The following NAALADL2 variants were observed in gnomAD, a reference collection of about 807,000 sequenced individuals.
NAALADL2 encodes the protein N-acetylated alpha-linked acidic dipeptidase like 2, also known as inactive N-acetylated-alpha-linked acidic dipeptidase-like protein 2.
In NAALADL2, 76 loss-of-function variants were observed where a neutral mutation model predicts 87.2. That is an observed-to-expected ratio of 0.87 (90% CI 0.72 to 1.05). The LOEUF (loss-of-function observed/expected upper bound fraction) is 1.05. Ranked by LOEUF, NAALADL2 falls within the 50% of genes least tolerant of loss-of-function variation. The pLI, the probability that NAALADL2 is intolerant of heterozygous loss-of-function variation, is 0.00. For synonymous variants in NAALADL2, 354 were observed against 331.0 expected (o/e 1.07, Z -0.75); for missense variants, 1,089 against 945.8 (o/e 1.15, Z -1.99).
intron 3 of NAALADL2, among the ~76,000 whole-genome samples, chr3:174,768,316 G>C (rs1204476632): frequency 6.6e-6 from 1 of 152,058 alleles, no homozygotes; most frequent in Non-Finnish European, 1.5e-5. Flanking sequence ...TAGCTGGGAG[G>C]CAGTACAACT....
At chr3:175,413,298 G>A (rs112143037) in intron 5 of NAALADL2, among the ~76,000 whole-genome samples, 5,585 of 150,800 alleles carry the variant, frequency 0.037, 315 homozygotes, top group African/African-American at 0.13. Context: ...TAGGCCGAGC[G>A]CGGTGGCTCA....
At chr3:175,638,097 T>C (rs912166855) in intron 11 of NAALADL2, among the ~76,000 whole-genome samples, 1 of 152,212 alleles carries the variant, frequency 6.6e-6, no homozygotes, top group Non-Finnish European at 1.5e-5. Flanking sequence ...AATAGATGAA[T>C]GAACAAAGCA....
chr3:175,004,376 CAAAAAAAAAAAAAAA>C (rs538715061), intron 1 of NAALADL2, among the ~76,000 whole-genome samples: 8 of 33,852 alleles, frequency 2.4e-4, no homozygotes, highest in South Asian at 1.7e-3. Context: ...GAGACTATTT[CAAAAAAAAAAAAAAA>C]AAAAAAAAAA....
chr3:175,309,079 T>C (rs907451728), intron 4 of NAALADL2, among the ~76,000 whole-genome samples: 3 of 152,184 alleles, frequency 2.0e-5, no homozygotes, highest in Non-Finnish European at 2.9e-5. Context: ...GGTTGAGAAA[T>C]TACATCTCTG....
chr3:175,348,225 A>G (rs1170388699), intron 5 of NAALADL2, among the ~76,000 whole-genome samples: 1 of 151,882 alleles, frequency 6.6e-6, no homozygotes, highest in Non-Finnish European at 1.5e-5. Context: ...CTAATTTTGT[A>G]TTTTTAGTAG....
At chr3:174,790,460 G>A (rs942955439) in intron 3 of NAALADL2, among the ~76,000 whole-genome samples, 1 of 151,934 alleles carries the variant, frequency 6.6e-6, no homozygotes, top group African/African-American at 2.4e-5. Context: ...GACCAGCCTG[G>A]CCAACATGGT....
At chr3:174,785,843 T>A (rs1240930559) in intron 3 of NAALADL2, among the ~76,000 whole-genome samples, 1 of 152,202 alleles carries the variant, frequency 6.6e-6, no homozygotes, top group African/African-American at 2.4e-5. Flanking sequence ...CTCCAAAACT[T>A]GTCAGAGTAC....
chr3:175,624,109 T>C (rs573534332), intron 10 of NAALADL2, among the ~76,000 whole-genome samples: 2 of 152,126 alleles, frequency 1.3e-5, no homozygotes, highest in South Asian at 4.1e-4. Context: ...CTCAAGAAAG[T>C]TGAAGGGAGA....
intron 11 of NAALADL2, among the ~76,000 whole-genome samples, chr3:175,649,644 CAGAG>C (rs1196721599): frequency 1.3e-5 from 2 of 152,048 alleles, no homozygotes; most frequent in Admixed American, 6.6e-5. Flanking sequence ...TGGATAGAGA[CAGAG>C]AGAGAGTCCA....
chr3:174,603,805 T>A (rs1015344114), intron 2 of NAALADL2, among the ~76,000 whole-genome samples: 13 of 152,192 alleles, frequency 8.5e-5, no homozygotes, highest in East Asian at 5.8e-4. Flanking sequence ...AAGAATTTTT[T>A]AAAAATTTTT....
chr3:174,879,280 G>C (rs1178015655), intron 1 of NAALADL2, among the ~76,000 whole-genome samples: 1 of 152,090 alleles, frequency 6.6e-6, no homozygotes, highest in Non-Finnish European at 1.5e-5. Context: ...AGATGAAGAA[G>C]AAGCCTAATT....
At chr3:174,751,599 G>A (rs1180171872) in intron 3 of NAALADL2, among the ~76,000 whole-genome samples, 1 of 149,724 alleles carries the variant, frequency 6.7e-6, no homozygotes, top group African/African-American at 2.5e-5. Flanking sequence ...GGAGACTGAG[G>A]TTGCAGTGAG....
At chr3:174,776,558 A>G (rs1288955619) in intron 3 of NAALADL2, among the ~76,000 whole-genome samples, 1 of 152,098 alleles carries the variant, frequency 6.6e-6, no homozygotes, top group Non-Finnish European at 1.5e-5. Context: ...TAGGAAACTA[A>G]TCTGTACTCC....
intron 7 of NAALADL2, among the ~76,000 whole-genome samples, chr3:175,466,268 A>G (rs1724004242): frequency 6.6e-6 from 1 of 152,234 alleles, no homozygotes; most frequent in African/African-American, 2.4e-5. Flanking sequence ...CTGACAAGAA[A>G]ATCAGAGGAA....
chr3:174,838,029 A>G (rs1052938717), intron 3 of NAALADL2, among the ~76,000 whole-genome samples: 1 of 136,162 alleles, frequency 7.3e-6, no homozygotes, highest in Non-Finnish European at 1.6e-5. Flanking sequence ...AAGAAAAAAA[A>G]AAAAAAAGAA....
At chr3:174,968,925 C>T (rs542682965) in intron 1 of NAALADL2, among the ~76,000 whole-genome samples, 74 of 152,254 alleles carry the variant, frequency 4.9e-4, no homozygotes, top group Non-Finnish European at 8.7e-4. Context: ...TCTTTGAGGG[C>T]CTGCTAATGT....
At chr3:174,881,216 A>G (rs746548727) in intron 1 of NAALADL2, among the ~76,000 whole-genome samples, 1 of 152,092 alleles carries the variant, frequency 6.6e-6, no homozygotes, top group African/African-American at 2.4e-5. Context: ...AGCATGGAAC[A>G]TATGATATTT....
At chr3:175,596,695 C>T (rs1216776513) in intron 10 of NAALADL2, among the ~76,000 whole-genome samples, 1 of 151,768 alleles carries the variant, frequency 6.6e-6, no homozygotes, top group Non-Finnish European at 1.5e-5. Context: ...TTTTAGTGTA[C>T]ATTACCATAA....
intron 9 of NAALADL2, among the ~76,000 whole-genome samples, chr3:175,487,929 G>T (rs1205182944): frequency 6.6e-6 from 1 of 152,066 alleles, no homozygotes; most frequent in African/African-American, 2.4e-5. Context: ...GAACTATGTA[G>T]TCTGGGAAAG....
Sources: allele counts gnomAD v4.1 joint callset (sites outside exome capture counted in the v4.1 genomes callset), GRCh38; gene constraint gnomAD v4.1.1; transcripts MANE v1.5; gene names NCBI Gene and HGNC (gene_info 2026-07-23, HGNC 2026-07-21).